Variants in CSPP1 observed in about 807,000 individuals in gnomAD.
CSPP1 encodes centrosome and spindle pole-associated protein 1.
A neutral mutation model predicts 164.4 loss-of-function variants in CSPP1; 126 were observed. That is an observed-to-expected ratio of 0.77 (90% CI 0.66 to 0.89). The LOEUF (loss-of-function observed/expected upper bound fraction) is 0.89, where lower values mean the gene tolerates loss of function less well. CSPP1 is among the 40% of genes least tolerant of loss of function. The pLI, the probability that CSPP1 is intolerant of heterozygous loss-of-function variation, is 0.00. For synonymous variants in CSPP1, 472 were observed against 476.7 expected, an observed-to-expected ratio of 0.99 and a Z score of 0.13; for missense variants, 1,395 against 1,449.8, an observed-to-expected ratio of 0.96 and a Z score of 0.61.
rs143103294 is a variant in CSPP1, at chr8:67,122,896, T to TTG, written c.1697+4089_1697+4090dup. 4.2e-5 allele frequency among the ~76,000 whole-genome samples: 6 copies of TTG among 142,328 alleles called. No individual in the cohort carries two copies. In the East Asian group the frequency reaches 5.9e-4, roughly 14 times the overall value. 93.4% of individuals were successfully genotyped at this position (142,328 alleles called of 152,430 possible). On this transcript the variant is annotated intron_variant, in intron 15 of 30. Transcript: ENST00000678616. Reference sequence around the variant, plus strand: ...GCTCTGTGTGTGTGTGTGTGTGTGTTTGTGTGTGTGTGTGTTCTGATATAC... The same window carrying TTG: ...GCTCTGTGTGTGTGTGTGTGTGTGTTTGTGTGTGTGTGTGTGTTCTGATATAC...
chr8:67,092,124 C>T (rs980274724), intron 5 of CSPP1, among the ~76,000 whole-genome samples: 2 of 152,082 alleles, frequency 1.3e-5, no homozygotes, highest in Non-Finnish European at 2.9e-5. Flanking sequence ...TTGCTGTATT[C>T]AGTTATACTT....
intron 6 of CSPP1, among the ~76,000 whole-genome samples, chr8:67,094,769 G>A (rs1195955743): frequency 3.3e-5 from 5 of 152,048 alleles, no homozygotes; most frequent in South Asian, 2.1e-4. Flanking sequence ...GATAACGAGC[G>A]TATCCTGTAT....
chr8:67,112,726 C>T (rs1458593828), intron 10 of CSPP1, among the ~76,000 whole-genome samples: 1 of 152,174 alleles, frequency 6.6e-6, no homozygotes, highest in Non-Finnish European at 1.5e-5. Context: ...CTCCCTGCTC[C>T]AGTAGATCCA....
chr8:67,088,113 A>G (rs1554563764), intron 4 of CSPP1, among the ~76,000 whole-genome samples: 1 of 151,542 alleles, frequency 6.6e-6, no homozygotes, highest in East Asian at 2.1e-4. Context: ...TATTGGGTGG[A>G]GTTTTCCTCT....
chr8:67,127,293 A>G (rs1306683091), intron 15 of CSPP1, among the ~76,000 whole-genome samples: 1 of 152,196 alleles, frequency 6.6e-6, no homozygotes, highest in African/African-American at 2.4e-5. Flanking sequence ...TTTTGGAGAC[A>G]TAGAAGTCCA....
intron 17 of CSPP1, among the ~76,000 whole-genome samples, chr8:67,138,985 A>G (rs1415289963): frequency 6.6e-6 from 1 of 152,184 alleles, no homozygotes; most frequent in Non-Finnish European, 1.5e-5. Context: ...TAAGGAAGGT[A>G]TCCAGTTTCA....
intron 22 of CSPP1, among the ~76,000 whole-genome samples, chr8:67,162,726 G>A (rs985640146): frequency 6.6e-6 from 1 of 152,136 alleles, no homozygotes; most frequent in African/African-American, 2.4e-5. Context: ...TGAGACTGAG[G>A]ACCCAAACAA....
At chr8:67,191,501 T>C (rs1046990090) in intron 29 of CSPP1, among the ~76,000 whole-genome samples, 3 of 152,218 alleles carry the variant, frequency 2.0e-5, no homozygotes. Context: ...ATGTGCCTTT[T>C]CTGGACATTT....
In CSPP1 at chr8:67,190,762, A is replaced by G; in HGVS notation, c.3330+3A>G. 1 of 1,593,568 alleles carries G rather than the reference A, an allele frequency of 6.3e-7. No homozygotes were observed. Among genetic ancestry groups the G allele is most frequent in the Non-Finnish European group, 8.6e-7 (1 of 1,161,170 alleles). On this transcript the variant is annotated splice_donor_region_variant and intron_variant, in intron 29 of 30. Coordinates refer to ENST00000678616, the MANE Select transcript of CSPP1 (RefSeq NM_001382391.1). ...ACAAATGGAAAGGACTAGACATTGT[A>G]TGTATGAGACTTTTCTCCCCCTTTT...
At chr8:67,141,291 C>T (rs1461453049) in intron 17 of CSPP1, among the ~76,000 whole-genome samples, 1 of 151,752 alleles carries the variant, frequency 6.6e-6, no homozygotes, top group Admixed American at 6.6e-5. Context: ...AAAATGTTTC[C>T]ACATTATTTT....
At position 67,101,380 on chromosome 8, in the gene CSPP1, A is replaced by G. The variant is rs546737963; in HGVS notation, c.924-1657A>G. Among the ~76,000 whole-genome samples, 7 of 152,340 alleles carry G rather than the reference A, an allele frequency of 4.6e-5. No individual in the cohort carries two copies. In the South Asian group the frequency reaches 1.0e-3, roughly 23 times the overall value. ...CAGGTGCCAGCCAAGGGTCAACTGT[A>G]CAGTCAGGATTTTCTGAGGATAGGC... On this transcript the variant is annotated intron_variant, in intron 7 of 30. Coordinates refer to ENST00000678616, the MANE Select transcript of CSPP1 (RefSeq NM_001382391.1).
At chr8:67,113,102 G>T (rs374711446) in intron 10 of CSPP1, among the ~76,000 whole-genome samples, 2 of 152,048 alleles carry the variant, frequency 1.3e-5, no homozygotes, top group Admixed American at 1.3e-4. Context: ...AAAATTAGCC[G>T]GGCGTGGTGG....
At position 67,195,525 on chromosome 8, in the gene CSPP1, G is replaced by GAGA. The variant is rs1218533141; in HGVS notation, c.3615_3616insAAG (p.Glu1205_Gln1206insLys). On this transcript the variant is annotated inframe_insertion, in exon 31 of 31. Coordinates refer to ENST00000678616, the MANE Select transcript of CSPP1 (RefSeq NM_001382391.1). ...TTTCATGGCAGAGCAGCTGAACCAG[G>GAGA]AGCAGCAGCAGATTCCTGGAAAACC... 1 of 1,614,078 alleles carries GAGA rather than the reference G, an allele frequency of 6.2e-7. No homozygotes were observed. Among genetic ancestry groups the GAGA allele is most frequent in the East Asian group, 2.2e-5 (1 of 44,888 alleles).
intron 25 of CSPP1, 50 bp from the exon 26 acceptor site, chr8:67,175,246 C>T: frequency 1.4e-6 from 2 of 1,419,236 alleles, no homozygotes; most frequent in South Asian, 1.3e-5. Flanking sequence ...TACAAAATCC[C>T]ATTTGAAAAC....
chr8:67,078,619 C>T (rs2129542081), intron 3 of CSPP1, among the ~76,000 whole-genome samples: 1 of 152,196 alleles, frequency 6.6e-6, no homozygotes, highest in African/African-American at 2.4e-5. Context: ...CCTCGGCCTC[C>T]CAAAGTTCTG....
At chr8:67,179,345 CCT>C (rs1832462593) in intron 27 of CSPP1, among the ~76,000 whole-genome samples, 1 of 152,154 alleles carries the variant, frequency 6.6e-6, no homozygotes, top group African/African-American at 2.4e-5. Flanking sequence ...AGAGTATACC[CCT>C]CTCTCTCCCA....
At chr8:67,121,342 G>A (rs555744063) in intron 15 of CSPP1, among the ~76,000 whole-genome samples, 2 of 152,122 alleles carry the variant, frequency 1.3e-5, no homozygotes, top group South Asian at 4.2e-4. Flanking sequence ...ATTATGTTGA[G>A]GTAATTTCAT....
intron 9 of CSPP1, among the ~76,000 whole-genome samples, chr8:67,106,465 G>C (rs1815551271): frequency 2.0e-5 from 3 of 151,970 alleles, no homozygotes; most frequent in Non-Finnish European, 4.4e-5. Flanking sequence ...TCTTTAGCTA[G>C]TACAAAACTG....
chr8:67,144,938 G>A (rs982648741), intron 17 of CSPP1, among the ~76,000 whole-genome samples: 1 of 151,766 alleles, frequency 6.6e-6, no homozygotes, highest in African/African-American at 2.4e-5. Flanking sequence ...TGTGTGTGGT[G>A]GTGTGCTCCT....
Sources: allele counts gnomAD v4.1 joint callset (sites outside exome capture counted in the v4.1 genomes callset), GRCh38; gene constraint gnomAD v4.1.1; transcripts MANE v1.5; gene names NCBI Gene and HGNC (gene_info 2026-07-23, HGNC 2026-07-21).